The following MEF2C variants were observed in gnomAD, a reference collection of about 807,000 sequenced individuals.
MEF2C encodes the protein myocyte-specific enhancer factor 2C.
In MEF2C, 6 loss-of-function variants were observed where a neutral mutation model predicts 50.5. The observed-to-expected ratio is 0.12, with a 90% CI of 0.07 to 0.23. MEF2C has a LOEUF of 0.23. Among genes scored for constraint, MEF2C ranks in the 10% least tolerant of loss-of-function variants. The pLI, the probability that MEF2C is intolerant of heterozygous loss-of-function variation, is 1.00. For missense variants in MEF2C, 276 were observed against 605.0 expected (o/e 0.46, Z 5.70); for synonymous variants, 183 against 228.0 (o/e 0.80, Z 1.78).
At chr5:88,748,460 A>G (rs964789667) in intron 6 of MEF2C, among the ~76,000 whole-genome samples, 5 of 152,222 alleles carry the variant, frequency 3.3e-5, no homozygotes, top group Admixed American at 2.0e-4. Flanking sequence ...TCAATATTAC[A>G]AATTAACACG....
chr5:88,762,693 T>C (rs1222581002), intron 3 of MEF2C, among the ~76,000 whole-genome samples: 2 of 152,226 alleles, frequency 1.3e-5, no homozygotes, highest in African/African-American at 2.4e-5. Flanking sequence ...TTTGTCATGT[T>C]AATTATTAAT....
rs113962062 is a variant in MEF2C, at chr5:88,755,002, A to T, written c.403-2959T>A. The stretch of plus-strand genomic sequence containing the variant: ...CTTCTCTTGGAAGCCCACGCTGACC[A>T]CCCTATTTAATCCTGCAATTTGTCC... On this transcript the variant is annotated intron_variant, in intron 4 of 10. Coordinates refer to ENST00000504921, the MANE Select transcript of MEF2C (RefSeq NM_002397.5). Among the ~76,000 whole-genome samples the T allele has an allele frequency of 6.2e-3, 944 of 151,908 alleles. 4 individuals carry two copies. The highest frequency in any genetic ancestry group is 8.9e-3 in the Non-Finnish European group (604 of 67,942).
chr5:88,736,151 T>C (rs1763979014), intron 6 of MEF2C: 1 of 985,292 alleles, frequency 1.0e-6, no homozygotes, highest in Admixed American at 6.2e-5. Context: ...CTGTCTCTAC[T>C]TCCACTGCCA....
intron 1 of MEF2C, chr5:88,839,425 C>A (rs539467830): frequency 6.6e-6 from 1 of 151,802 alleles, no homozygotes; most frequent in Non-Finnish European, 1.5e-5. Flanking sequence ...GTTGATGGTG[C>A]AAAGCGAATG....
chr5:88,792,893 T>C (rs1483055933), intron 3 of MEF2C, among the ~76,000 whole-genome samples: 2 of 152,232 alleles, frequency 1.3e-5, no homozygotes, highest in Non-Finnish European at 2.9e-5. Flanking sequence ...ATACTTTAAA[T>C]GTGCAACGTT....
At chr5:88,816,315 T>C (rs1440982883) in intron 2 of MEF2C, among the ~76,000 whole-genome samples, 1 of 151,894 alleles carries the variant, frequency 6.6e-6, no homozygotes, top group Non-Finnish European at 1.5e-5. Context: ...ACAGGATAAA[T>C]AGTAATATGT....
intron 1 of MEF2C, among the ~76,000 whole-genome samples, chr5:88,873,708 ATTT>A (rs199642010): frequency 1.8e-3 from 171 of 93,750 alleles, no homozygotes; most frequent in Non-Finnish European, 2.4e-3. Flanking sequence ...GTCGTCACGG[ATTT>A]TTTTTTTTTT....
intron 4 of MEF2C, among the ~76,000 whole-genome samples, chr5:88,759,656 T>G (rs901115062): frequency 1.6e-5 from 2 of 127,462 alleles, no homozygotes; most frequent in Admixed American, 7.8e-5. Flanking sequence ...GTGCCCACTA[T>G]GAATGTGTGC....
At chr5:88,732,292 G>A (rs1227901688) in intron 6 of MEF2C, among the ~76,000 whole-genome samples, 2 of 152,154 alleles carry the variant, frequency 1.3e-5, no homozygotes. Context: ...CAGTTCACTG[G>A]TTTGGGTTTT....
intron 3 of MEF2C, among the ~76,000 whole-genome samples, chr5:88,797,981 CT>C: frequency 6.6e-6 from 1 of 152,328 alleles, no homozygotes; most frequent in African/African-American, 2.4e-5. Context: ...CCCCCATTCT[CT>C]TCTGGCTTGT....
intron 1 of MEF2C, among the ~76,000 whole-genome samples, chr5:88,859,549 A>G (rs1034855767): frequency 6.6e-6 from 1 of 152,268 alleles, no homozygotes; most frequent in African/African-American, 2.4e-5. Flanking sequence ...ACAGTGTTCT[A>G]TAGCAAGAGG....
chr5:88,789,769 C>T (rs1580738850), intron 3 of MEF2C, among the ~76,000 whole-genome samples: 1 of 152,180 alleles, frequency 6.6e-6, no homozygotes, highest in Non-Finnish European at 1.5e-5. Context: ...ACCATTGAGA[C>T]ATGACTGGAT....
chr5:88,773,678 C>T (rs1018185869), intron 3 of MEF2C, among the ~76,000 whole-genome samples: 8 of 152,150 alleles, frequency 5.3e-5, no homozygotes, highest in Admixed American at 2.0e-4. Context: ...ATGGTAAGGA[C>T]AGCCTGATGA....
intron 6 of MEF2C, chr5:88,743,032 G>T: frequency 1.0e-6 from 1 of 970,846 alleles, no homozygotes; most frequent in African/African-American, 1.8e-5. Flanking sequence ...AACTGCCAAT[G>T]AATTCAGAAT....
At position 88,801,531 on chromosome 5, in the gene MEF2C, C is replaced by T. The variant is rs559661888; in HGVS notation, c.258+3067G>A. 2.1e-3 allele frequency among the ~76,000 whole-genome samples: 319 copies of T among 149,872 alleles called. 1 individual carries two copies. The highest frequency in any genetic ancestry group is 7.6e-3 in the African/African-American group (308 of 40,610). ...TTTTTGAGACGGAGTCTCACCCTGT[C>T]GCCTGCGCCAGAGTGCAGTGGCGCG... On this transcript the variant is annotated intron_variant, in intron 3 of 10. Transcript: ENST00000504921.
intron 1 of MEF2C, among the ~76,000 whole-genome samples, chr5:88,870,475 C>T (rs1829165954): frequency 6.6e-6 from 1 of 151,968 alleles, no homozygotes; most frequent in Non-Finnish European, 1.5e-5. Flanking sequence ...TGTGCATCTG[C>T]TGGGAATGAG....
chr5:88,727,799 T>C (rs562257023), intron 10 of MEF2C, among the ~76,000 whole-genome samples: 2 of 111,354 alleles, frequency 1.8e-5, no homozygotes, highest in East Asian at 6.0e-4. Flanking sequence ...TTATATGAAA[T>C]AGTGTGAATT....
intron 1 of MEF2C, among the ~76,000 whole-genome samples, chr5:88,857,119 C>T (rs963264277): frequency 1.3e-5 from 2 of 152,206 alleles, no homozygotes; most frequent in African/African-American, 4.8e-5. Context: ...TGGGAGCCCA[C>T]CTTTTGCATC....
intron 2 of MEF2C, 57 bp downstream of exon 2, chr5:88,823,678 T>C (rs1055193036): frequency 2.7e-6 from 4 of 1,460,816 alleles, no homozygotes; most frequent in Non-Finnish European, 3.8e-6. Context: ...ACCCTTAACA[T>C]ATGTGGAGAA....
Sources: allele counts gnomAD v4.1 joint callset (sites outside exome capture counted in the v4.1 genomes callset), GRCh38; gene constraint gnomAD v4.1.1; transcripts MANE v1.5; gene names NCBI Gene and HGNC (gene_info 2026-07-23, HGNC 2026-07-21).